Variants in AKT1 observed in about 807,000 individuals in gnomAD.
AKT1 encodes AKT serine/threonine kinase 1.
AKT1 carries 21 observed loss-of-function variants against 63.1 expected under a neutral mutation model. The ratio of observed to expected loss-of-function variants is 0.33; its 90% CI spans 0.24 to 0.48. The LOEUF (loss-of-function observed/expected upper bound fraction) is 0.48, where lower values mean the gene tolerates loss of function less well. Ranked by LOEUF, AKT1 falls within the 20% of genes least tolerant of loss-of-function variation. The probability of loss-of-function intolerance (pLI) is 0.99; values close to 1 mark genes in which losing one functional copy is unlikely to be tolerated. For missense variants in AKT1, 382 were observed against 666.0 expected, an observed-to-expected ratio of 0.57 and a Z score of 4.69; for synonymous variants, 257 against 253.1, an observed-to-expected ratio of 1.02 and a Z score of -0.15.
intron 3 of AKT1, among the ~76,000 whole-genome samples, chr14:104,782,991 G>T (rs528393971): frequency 6.6e-6 from 1 of 152,302 alleles, no homozygotes; most frequent in South Asian, 2.1e-4. Context: ...GATGCGGCAG[G>T]GCCCCACTAC....
Position 104,772,874 on chromosome 14 carries a change from T to G in AKT1, c.1172+4A>C, listed in dbSNP as rs1319947920. On this transcript the variant is annotated splice_donor_region_variant and intron_variant, in intron 12 of 14. Coordinates refer to ENST00000649815, the MANE Select transcript of AKT1 (RefSeq NM_001382430.1). The stretch of plus-strand genomic sequence containing the variant: ...AGCCTGTAGCTGGGATGGGCGGCCC[T>G]CACCTCTGCTTGGGGTCCTTCTTGA... 1.9e-6 allele frequency: 3 copies of G among 1,606,300 alleles called. No homozygotes were observed. Among genetic ancestry groups the G allele is most frequent in the Middle Eastern group, 3.9e-4 (2 of 5,160 alleles).
At chr14:104,787,545 G>A (rs1035756060) in intron 3 of AKT1, among the ~76,000 whole-genome samples, 18 of 152,368 alleles carry the variant, frequency 1.2e-4, no homozygotes, top group Middle Eastern at 3.4e-3. Context: ...CAGAGGGGAC[G>A]CCAGCGGGGG....
Position 104,780,156 on chromosome 14 carries a change from A to G in AKT1, c.107T>C (p.Ile36Thr), listed in dbSNP as rs758157217. The change falls in exon 4 of 15, where the codon ATT (isoleucine) becomes ACT (threonine). Residue 36 changes from isoleucine (I) to threonine (T), a missense_variant. Ile to Thr is a moderately conservative substitution (Grantham distance 89, BLOSUM62 -1). Transcript: ENST00000649815. ...ATCCTGCGGCCGCTCCTTGTAGCCA[A>G]TGAAGGTGCCATCATTCTTGAGGAG... is the stretch of plus-strand genomic sequence containing the variant. Reference protein sequence around the residue: ...YFLLKNDGTFIGYKERPQDVD... With the variant: ...YFLLKNDGTFTGYKERPQDVD... 12 of 1,613,574 alleles carry G rather than the reference A, an allele frequency of 7.4e-6. No individual in the cohort carries two copies. The highest frequency in any genetic ancestry group is 1.3e-5 in the African/African-American group (1 of 74,924).
chr14:104,772,552 C>T (rs1031533332), intron 12 of AKT1, 100 bp from the exon 13 acceptor site: 10 of 1,209,106 alleles, frequency 8.3e-6, no homozygotes, highest in African/African-American at 6.0e-5. Context: ...CCAGACAGGA[C>T]GTTCCGGGGC....
At chr14:104,783,856 C>T (rs935796793) in intron 3 of AKT1, among the ~76,000 whole-genome samples, 1 of 152,230 alleles carries the variant, frequency 6.6e-6, no homozygotes. Flanking sequence ...AGTGCAACCC[C>T]GGCCTGGGCC....
At chr14:104,784,154 G>A (rs1051268221) in intron 3 of AKT1, among the ~76,000 whole-genome samples, 3 of 152,202 alleles carry the variant, frequency 2.0e-5, no homozygotes, top group African/African-American at 7.2e-5. Context: ...CAGCAGCTCC[G>A]GTCCCACCCT....
chr14:104,777,286 C>CCACACCTGGGGCACAGG (rs1483550340), intron 4 of AKT1: 6 of 122,380 alleles, frequency 4.9e-5, no homozygotes, highest in South Asian at 9.9e-5. Context: ...TGGGGCACAG[C>CCACACCTGGGGCACAGG]CACACCTGGG....
chr14:104,782,022 ACCC>A (rs1325806555), intron 3 of AKT1, among the ~76,000 whole-genome samples: 5 of 151,630 alleles, frequency 3.3e-5, no homozygotes, highest in Admixed American at 6.6e-5. Context: ...GATCTCGCAC[ACCC>A]CCGAGTGTGC....
intron 3 of AKT1, 35 bp downstream of exon 3, chr14:104,792,563 C>G (rs1253536873): frequency 6.2e-7 from 1 of 1,611,116 alleles, no homozygotes; most frequent in Non-Finnish European, 8.5e-7. Flanking sequence ...CCCATCTCTC[C>G]CTCCCCAGGC....
intron 3 of AKT1, among the ~76,000 whole-genome samples, chr14:104,792,369 G>C (rs1206032147): frequency 6.6e-6 from 1 of 152,028 alleles, no homozygotes; most frequent in East Asian, 1.9e-4. Context: ...ACACCAGGAA[G>C]CCACTCAGAT....
chr14:104,769,856 C>T lies in AKT1; in HGVS notation c.*485G>A, dbSNP rs1595237734. Reference sequence around the variant, plus strand: ...CTGGGGGGCTGCTGTGTGCCTGCCACCCCCAGGAGAGGGTGCTGGCCAGCA... The same window carrying T: ...CTGGGGGGCTGCTGTGTGCCTGCCATCCCCAGGAGAGGGTGCTGGCCAGCA... On this transcript the variant is annotated 3_prime_UTR_variant, in exon 15 of 15. Transcript: ENST00000649815. The T allele has an allele frequency of 2.6e-6, 1 of 384,274 alleles. No homozygotes were observed. Among genetic ancestry groups the T allele is most frequent in the South Asian group, 2.5e-5 (1 of 39,480 alleles). 23.8% of individuals were successfully genotyped at this position (384,274 alleles called of 1,614,324 possible).
In AKT1 at chr14:104,772,379, C is replaced by T. The variant is rs1308190883; in HGVS notation, c.1246G>A (p.Val416Met). 3 of 1,613,898 alleles carry T rather than the reference C, an allele frequency of 1.9e-6. No homozygotes were observed. The highest frequency in any genetic ancestry group is 1.6e-4 in the Middle Eastern group (1 of 6,062). The change falls in exon 13 of 15, where the codon GTG becomes ATG. Residue 416 changes from valine (V) to methionine (M), a missense_variant. Physicochemically the swap from Val to Met is conservative, Grantham distance 21 (BLOSUM62 1). Coordinates refer to ENST00000649815, the MANE Select transcript of AKT1 (RefSeq NM_001382430.1). The part of the protein sequence containing the change: ...RFFAGIVWQH[V>M]YEKKLSPPFK... ...AGCAGCCGCACCTTCTTCTCGTACA[C>T]GTGCTGCCACACGATACCGGCAAAG...
At position 104,773,311 on chromosome 14, in the gene AKT1, C is replaced by A. The variant is rs1301450973; in HGVS notation, c.897G>T (p.Gly299=). ...TCTTCATGGTGGCACCGTCCTTGAT[C>A]CCCTCCTTGCACAGCCCGAAGTCTG... The part of the protein sequence containing the change: ...KITDFGLCKE[G]IKDGATMKTF... Residue 299 remains glycine (G), a synonymous_variant, in exon 11 of 15, where the codon GGG becomes GGT. Transcript: ENST00000649815. 2 of 1,614,216 alleles carry A rather than the reference C, an allele frequency of 1.2e-6. No homozygotes were observed. The highest frequency in any genetic ancestry group is 1.3e-5 in the African/African-American group (1 of 75,060).
chr14:104,777,249 C>T, intron 4 of AKT1: 1 of 214,218 alleles, frequency 4.7e-6, no homozygotes, highest in Non-Finnish European at 9.5e-6. Flanking sequence ...ACCTGGGGCA[C>T]ACCCACACCT....
At chr14:104,774,368 G>A (rs1302147539) in intron 8 of AKT1, 1 of 302,504 alleles carries the variant, frequency 3.3e-6, no homozygotes, top group Non-Finnish European at 6.4e-6. Context: ...GGTGAGTTGG[G>A]ACCTCAGCAG....
intron 13 of AKT1, chr14:104,772,055 G>T (rs1234740783): frequency 7.8e-6 from 4 of 510,212 alleles, no homozygotes; most frequent in Non-Finnish European, 1.4e-5. Flanking sequence ...TCAGGGAAGG[G>T]AACCCCAAGG....
At position 104,793,167 on chromosome 14, in the gene AKT1, C is replaced by T. The variant is rs1893713935; in HGVS notation, c.-120G>A. 1 of 195,860 alleles carries T rather than the reference C, an allele frequency of 5.1e-6. No individual in the cohort carries two copies. 12.1% of individuals were successfully genotyped at this position (195,860 alleles called of 1,614,324 possible). A position where few individuals can be genotyped will look rare whatever the true frequency, so the allele number is the denominator to read the frequency against. On this transcript the variant is annotated 5_prime_UTR_variant, in exon 2 of 15. Coordinates refer to ENST00000649815, the MANE Select transcript of AKT1 (RefSeq NM_001382430.1). The stretch of plus-strand genomic sequence containing the variant: ...ACAGGCTGCCTCCTCCAGGCAGCCC[C>T]TTTGACTTCTTTGACCCAGGCTGGC...
chr14:104,770,470 C>T, intron 14 of AKT1, 50 bp from the exon 15 acceptor site: 2 of 1,495,090 alleles, frequency 1.3e-6, no homozygotes, highest in Middle Eastern at 2.2e-4. Context: ...CCTGCCACCT[C>T]CACCCACCCA....
chr14:104,773,860 C>T, intron 9 of AKT1, 52 bp downstream of exon 9: 1 of 1,534,532 alleles, frequency 6.5e-7, no homozygotes, highest in Admixed American at 1.8e-5. Flanking sequence ...CCGGCCCCAC[C>T]ATGGGCGGCC....
Sources: allele counts gnomAD v4.1 joint callset (sites outside exome capture counted in the v4.1 genomes callset), GRCh38; gene constraint gnomAD v4.1.1; transcripts MANE v1.5; gene names NCBI Gene and HGNC (gene_info 2026-07-23, HGNC 2026-07-21).